The following PCSK5 variants were observed in gnomAD, a reference collection of about 807,000 sequenced individuals.
The protein encoded by PCSK5 is prohormone convertase 5.
In PCSK5, 129 loss-of-function variants were observed where a neutral mutation model predicts 233.2. The ratio of observed to expected loss-of-function variants is 0.55; its 90% CI spans 0.48 to 0.64. The LOEUF (loss-of-function observed/expected upper bound fraction) is 0.64, where lower values mean the gene tolerates loss of function less well. PCSK5 is among the 30% of genes least tolerant of loss of function. PCSK5 has a pLI of 0.00. For missense variants in PCSK5, 2,076 were observed against 2,430.1 expected, an observed-to-expected ratio of 0.85 and a Z score of 3.06; for synonymous variants, 825 against 879.2, an observed-to-expected ratio of 0.94 and a Z score of 1.09.
At chr9:76,157,541 A>T (rs1000742642) in intron 11 of PCSK5, among the ~76,000 whole-genome samples, 1 of 151,768 alleles carries the variant, frequency 6.6e-6, no homozygotes, top group African/African-American at 2.4e-5. Flanking sequence ...ATGTACGGTA[A>T]AAGAGATTGC....
chr9:76,076,334 A>G (rs1365177248), intron 7 of PCSK5, among the ~76,000 whole-genome samples: 1 of 152,168 alleles, frequency 6.6e-6, no homozygotes. Context: ...GTGTTCTGTT[A>G]TAGGAAGCCA....
intron 20 of PCSK5, among the ~76,000 whole-genome samples, chr9:76,210,523 A>G (rs576707483): frequency 1.5e-4 from 23 of 152,326 alleles, no homozygotes; most frequent in African/African-American, 5.5e-4. Flanking sequence ...CAGGGCACCA[A>G]AAGAGTCTGC....
chr9:75,947,379 C>G (rs954972763), intron 2 of PCSK5, among the ~76,000 whole-genome samples: 2 of 151,948 alleles, frequency 1.3e-5, no homozygotes, highest in African/African-American at 4.8e-5. Context: ...TCAGATAGAA[C>G]AAGGGTGGAT....
intron 17 of PCSK5, among the ~76,000 whole-genome samples, chr9:76,187,161 T>C (rs1824142715): frequency 6.6e-6 from 1 of 152,166 alleles, no homozygotes; most frequent in African/African-American, 2.4e-5. Context: ...AATTTTAATT[T>C]TTTAAATTAG....
At chr9:75,898,705 C>G (rs1230991474) in intron 1 of PCSK5, among the ~76,000 whole-genome samples, 2 of 151,560 alleles carry the variant, frequency 1.3e-5, no homozygotes, top group African/African-American at 4.8e-5. Context: ...TTTATAGGCC[C>G]TAAATGCCTA....
chr9:76,017,320 C>T (rs1456291663), intron 3 of PCSK5, among the ~76,000 whole-genome samples: 1 of 152,142 alleles, frequency 6.6e-6, no homozygotes, highest in Non-Finnish European at 1.5e-5. Flanking sequence ...AGAAAATCAT[C>T]CTCTCCTTAT....
intron 36 of PCSK5, among the ~76,000 whole-genome samples, chr9:76,351,453 AAAG>A (rs540963100): frequency 0.035 from 695 of 19,948 alleles, 58 homozygotes; most frequent in African/African-American, 0.1. Flanking sequence ...GAAAGGAAAG[AAAG>A]AAAGAAAGAA....
intron 29 of PCSK5, among the ~76,000 whole-genome samples, chr9:76,308,930 A>G (rs774801729): frequency 1.3e-5 from 2 of 152,236 alleles, no homozygotes; most frequent in Non-Finnish European, 2.9e-5. Flanking sequence ...GACAATACAA[A>G]GAAGTGGTCA....
upstream of PCSK5, among the ~76,000 whole-genome samples, chr9:75,890,181 C>T (rs1025106654): frequency 3.3e-5 from 5 of 152,204 alleles, no homozygotes; most frequent in African/African-American, 1.2e-4. Flanking sequence ...TGTGTGGTAG[C>T]TTCTCCCGGG....
intron 5 of PCSK5, among the ~76,000 whole-genome samples, chr9:76,035,529 G>T (rs368383541): frequency 6.6e-6 from 1 of 152,126 alleles, no homozygotes; most frequent in East Asian, 1.9e-4. Context: ...AGGTTCAAAT[G>T]AGGTATGAGT....
chr9:76,102,518 G>A (rs986128012), intron 8 of PCSK5, among the ~76,000 whole-genome samples: 12 of 152,164 alleles, frequency 7.9e-5, no homozygotes, highest in East Asian at 3.9e-4. Context: ...TCATTTTGGC[G>A]TCCCAAAAGT....
At chr9:76,312,370 A>G (rs112285731) in intron 30 of PCSK5, among the ~76,000 whole-genome samples, 2 of 152,052 alleles carry the variant, frequency 1.3e-5, no homozygotes, top group Non-Finnish European at 2.9e-5. Context: ...TTAGCCAGGC[A>G]TGGTGTCATA....
At chr9:76,031,596 G>T (rs1230171869) in intron 5 of PCSK5, among the ~76,000 whole-genome samples, 1 of 152,158 alleles carries the variant, frequency 6.6e-6, no homozygotes, top group East Asian at 1.9e-4. Context: ...GGCTGAGATA[G>T]AAGGATTGCT....
chr9:76,027,164 C>T lies in PCSK5; in HGVS notation c.632+127C>T, dbSNP rs571308852. On this transcript the variant is annotated intron_variant, in intron 5 of 37. Coordinates refer to ENST00000674117, the MANE Select transcript of PCSK5 (RefSeq NM_001372043.1). ...GATTGCTAATTTGCTCCAAGATTAA[C>T]AAGTGTCTTTCCACTGAAGCCTCTG... 3 of 599,602 alleles carry T rather than the reference C, an allele frequency of 5.0e-6. No individual in the cohort carries two copies. In the South Asian group the frequency reaches 7.0e-5, roughly 14 times the overall value. 37.1% of individuals were successfully genotyped at this position (599,602 alleles called of 1,614,324 possible).
chr9:76,217,818 G>A (rs1219677633), intron 20 of PCSK5, among the ~76,000 whole-genome samples: 1 of 152,182 alleles, frequency 6.6e-6, no homozygotes, highest in Non-Finnish European at 1.5e-5. Flanking sequence ...CAAACCACGG[G>A]GAAGGACGTT....
chr9:76,234,922 T>C (rs1826202172), intron 22 of PCSK5, among the ~76,000 whole-genome samples: 1 of 152,202 alleles, frequency 6.6e-6, no homozygotes, highest in Admixed American at 6.5e-5. Context: ...TCCATCTTAG[T>C]TTCAACATCA....
At chr9:75,972,706 T>C (rs1825858270) in intron 2 of PCSK5, among the ~76,000 whole-genome samples, 1 of 152,226 alleles carries the variant, frequency 6.6e-6, no homozygotes, top group South Asian at 2.1e-4. Flanking sequence ...GGAATGCTTG[T>C]GATTTTTACA....
Position 76,159,103 on chromosome 9 carries a change from C to T in PCSK5, c.1551C>T (p.Pro517=). The T allele has an allele frequency of 6.2e-7, 1 of 1,614,160 alleles. No homozygotes were observed. Among genetic ancestry groups the T allele is most frequent in the East Asian group, 2.2e-5 (1 of 44,872 alleles). ...HVVVRITITH[P]RRGDLAIYLT... is the part of the protein sequence containing the mutation. The stretch of plus-strand genomic sequence containing the variant: ...TTGTGCGCATCACCATCACCCACCC[C>T]AGGAGAGGAGACCTGGCCATCTACC... Residue 517 remains proline, a synonymous_variant, in exon 12 of 38, where the codon CCC becomes CCT. Coordinates refer to ENST00000674117, the MANE Select transcript of PCSK5 (RefSeq NM_001372043.1).
At chr9:76,284,535 C>CT (rs759060126) in intron 24 of PCSK5, among the ~76,000 whole-genome samples, 168 of 104,320 alleles carry the variant, frequency 1.6e-3, no homozygotes, top group Admixed American at 2.0e-3. Flanking sequence ...TTTTTTTTGT[C>CT]TTTTTTTTTT....
Sources: allele counts gnomAD v4.1 joint callset (sites outside exome capture counted in the v4.1 genomes callset), GRCh38; gene constraint gnomAD v4.1.1; transcripts MANE v1.5; gene names NCBI Gene and HGNC (gene_info 2026-07-23, HGNC 2026-07-21).